Variants in CCDC27 observed in about 807,000 individuals in gnomAD.
The protein encoded by CCDC27 is coiled-coil domain-containing protein 27.
Under a neutral mutation model 80.3 loss-of-function variants are expected in CCDC27, and 80 were observed. The ratio of observed to expected loss-of-function variants is 1.00; its 90% confidence interval spans 0.83 to 1.20. The LOEUF (loss-of-function observed/expected upper bound fraction) is 1.20. Among genes scored for constraint, CCDC27 ranks in the 50% most tolerant of loss-of-function variants. The probability of loss-of-function intolerance (pLI) is 0.00; values close to 1 mark genes in which losing one functional copy is unlikely to be tolerated. For synonymous variants in CCDC27, 342 were observed against 334.3 expected, an observed-to-expected ratio of 1.02 and a Z score of -0.25; for missense variants, 815 against 809.4, an observed-to-expected ratio of 1.01 and a Z score of -0.08.
chr1:3,764,170 C>T (rs1244307930), intron 8 of CCDC27, among the ~76,000 whole-genome samples: 2 of 152,218 alleles, frequency 1.3e-5, no homozygotes, highest in Non-Finnish European at 2.9e-5. Flanking sequence ...AACGCCCTAT[C>T]CGTGCTTAGA....
At chr1:3,767,624 C>T (rs553503377) in intron 10 of CCDC27, among the ~76,000 whole-genome samples, 179 bp downstream of exon 10, 16 of 152,308 alleles carry the variant, frequency 1.1e-4, no homozygotes, top group South Asian at 6.2e-4. Flanking sequence ...GGGTAGAGGA[C>T]GGAGTGAGAG....
Position 3,769,962 on chromosome 1 carries a change from G to A in CCDC27, c.1848+75G>A, listed in dbSNP as rs555631668. On this transcript the variant is annotated intron_variant, in intron 11 of 11. Coordinates refer to ENST00000294600, the MANE Select transcript of CCDC27 (RefSeq NM_152492.3). This position sits in a 1 kb window ranked among gnomAD's most constrained non-coding sequence, Gnocchi z 4.6. ...CAGAGCTGTGGTAGGGGGTTGTGGG[G>A]GGCCTAGATTCCAGGGACTCTGTTC... 4.7e-6 allele frequency: 5 copies of A among 1,059,388 alleles called. No homozygotes were observed. Among genetic ancestry groups the A allele is most frequent in the South Asian group, 3.8e-5 (3 of 79,826 alleles). 65.6% of individuals were successfully genotyped at this position (1,059,388 alleles called of 1,614,324 possible).
rs760999663 is a variant in CCDC27 at position 3,766,678 on chromosome 1, C to A, written c.1530+66C>A. On this transcript the variant is annotated intron_variant, in intron 9 of 11. Transcript: ENST00000294600. The surrounding 1 kb of genome is among the most constrained non-coding windows in gnomAD (Gnocchi z 6.1). ...GTTCTTACTGTAAGTCCCAACACAG[C>A]AAAGGGCAAGACGGGGCTGGAGCGT... 2 of 1,366,528 alleles carry A rather than the reference C, an allele frequency of 1.5e-6. No individual in the cohort carries two copies. Among genetic ancestry groups the A allele is most frequent in the Non-Finnish European group, 2.1e-6 (2 of 963,438 alleles). The allele number at this position is 1,366,528 out of a possible 1,614,324, so 84.7% of individuals were successfully genotyped here.
chr1:3,767,931 G>A (rs767552606), intron 10 of CCDC27, among the ~76,000 whole-genome samples: 8 of 152,184 alleles, frequency 5.3e-5, no homozygotes, highest in Non-Finnish European at 1.2e-4. Flanking sequence ...AGGATGAACA[G>A]TCCCCCTGGA....
Position 3,760,845 on chromosome 1 carries a change from A to C in CCDC27, c.712-436A>C, listed in dbSNP as rs1643066199. Among the ~76,000 whole-genome samples the C allele has an allele frequency of 6.6e-6, 1 of 152,126 alleles. No individual in the cohort carries two copies. The highest frequency in any genetic ancestry group is 2.1e-4 in the South Asian group (1 of 4,826). On this transcript the variant is annotated intron_variant, in intron 4 of 11. Coordinates refer to ENST00000294600, the MANE Select transcript of CCDC27 (RefSeq NM_152492.3). The surrounding 1 kb of genome is among the most constrained non-coding windows in gnomAD (Gnocchi z 4.3). ...ATTTTGAAGAATTGAGGGAGTTGAG[A>C]TTCTGAGAACAAAAGTTTGAGGAGC...
Position 3,763,487 on chromosome 1 carries a change from C to CGG in CCDC27, c.1321+18_1321+19dup. On this transcript the variant is annotated intron_variant, in intron 7 of 11. Transcript: ENST00000294600. The surrounding 1 kb of genome is among the most constrained non-coding windows in gnomAD (Gnocchi z 7.5). ...TCCCTTGCAACAGGTAGGGCCTCGGCGGGGGGCACTGGGCTTTGGCCACTC... is the reference window on the plus strand; with the variant it reads ...TCCCTTGCAACAGGTAGGGCCTCGGCGGGGGGGGCACTGGGCTTTGGCCACTC... 1.3e-6 allele frequency: 2 copies of CGG among 1,577,996 alleles called. No homozygotes were observed. The highest frequency in any genetic ancestry group is 2.7e-5 in the African/African-American group (2 of 74,196).
chr1:3,752,683 G>A lies in CCDC27; in HGVS notation c.202G>A (p.Val68Met). The change falls in exon 1 of 12, where the codon GTG becomes ATG. Residue 68 changes from valine to methionine, a missense_variant. Val to Met is a conservative substitution (Grantham distance 21). Transcript: ENST00000294600. ...GTCCAGCTCGATGGCCAGGGCCCTGGTGCTCCTCCAGAGCATGGCCAGCCG... is the reference window on the plus strand; with the variant it reads ...GTCCAGCTCGATGGCCAGGGCCCTGATGCTCCTCCAGAGCATGGCCAGCCG... The part of the protein sequence containing the change: ...SMSSSMARAL[V>M]LLQSMASRDA... The A allele has an allele frequency of 6.2e-7, 1 of 1,614,058 alleles. No individual in the cohort carries two copies. Among genetic ancestry groups the A allele is most frequent in the Non-Finnish European group, 8.5e-7 (1 of 1,180,056 alleles).
At chr1:3,756,697 G>C in intron 3 of CCDC27, 36 bp from the exon 4 acceptor site, 1 of 1,610,930 alleles carries the variant, frequency 6.2e-7, no homozygotes. Flanking sequence ...GCAGGGAAGG[G>C]TCTCATTTCT....
Position 3,754,162 on chromosome 1 carries a change from A to C in CCDC27, c.363A>C (p.Lys121Asn). The C allele has an allele frequency of 6.2e-7, 1 of 1,613,490 alleles. No individual in the cohort carries two copies. Reference protein sequence around the residue: ...DAASLTGFMSKMELRRVFPTH... With the variant: ...DAASLTGFMSNMELRRVFPTH... The stretch of plus-strand genomic sequence containing the variant: ...CCAGCCTCACCGGCTTCATGTCCAA[A>C]ATGGAACTTCGAAGGGTCTTCCCCA... Residue 121 changes from lysine to asparagine, a missense_variant, in exon 2 of 12, where the codon AAA (lysine) becomes AAC (asparagine). Lys to Asn is a moderately conservative substitution (Grantham distance 94). Coordinates refer to ENST00000294600, the MANE Select transcript of CCDC27 (RefSeq NM_152492.3).
rs1643070119 is a variant in CCDC27, at chr1:3,760,972, A to G, written c.712-309A>G. Reference sequence around the variant, plus strand: ...GTGGTATAGTGGGGTGCAGGGACACACCACGGGCCAGGTCCGAAAGGGAAG... The same window carrying G: ...GTGGTATAGTGGGGTGCAGGGACACGCCACGGGCCAGGTCCGAAAGGGAAG... On this transcript the variant is annotated intron_variant, in intron 4 of 11. Transcript: ENST00000294600. The surrounding 1 kb of genome is among the most constrained non-coding windows in gnomAD (Gnocchi z 4.3). 6.6e-6 allele frequency among the ~76,000 whole-genome samples: 1 copy of G among 152,134 alleles called. No individual in the cohort carries two copies. Among genetic ancestry groups the G allele is most frequent in the Non-Finnish European group, 1.5e-5 (1 of 68,024 alleles).
At chr1:3,756,525 G>A in intron 3 of CCDC27, 1 of 512,874 alleles carries the variant, frequency 1.9e-6, no homozygotes, top group Non-Finnish European at 3.5e-6. Context: ...CGCTGTGCTG[G>A]GTGTGGGCGC....
In CCDC27 at chr1:3,766,517, C is replaced by T. The variant is rs377322714; in HGVS notation, c.1453-18C>T. On this transcript the variant is annotated intron_variant, in intron 8 of 11. Coordinates refer to ENST00000294600, the MANE Select transcript of CCDC27 (RefSeq NM_152492.3). The surrounding 1 kb of genome is among the most constrained non-coding windows in gnomAD (Gnocchi z 6.1). Reference sequence around the variant, plus strand: ...AAACCTGGGAGTCCCCCAAGCCAACCCTTCTGTCTCCTTCCAGTTCTCCAA... The same window carrying T: ...AAACCTGGGAGTCCCCCAAGCCAACTCTTCTGTCTCCTTCCAGTTCTCCAA... 8.1e-6 allele frequency: 13 copies of T among 1,598,772 alleles called. No individual in the cohort carries two copies. The highest frequency in any genetic ancestry group is 1.0e-5 in the Non-Finnish European group (12 of 1,169,522).
chr1:3,763,171 G>T lies in CCDC27; in HGVS notation c.1018G>T (p.Asp340Tyr). 6.6e-7 allele frequency: 1 copy of T among 1,505,438 alleles called. No homozygotes were observed. Among genetic ancestry groups the T allele is most frequent in the South Asian group, 1.3e-5 (1 of 74,696 alleles). 93.3% of individuals were successfully genotyped at this position (1,505,438 alleles called of 1,614,324 possible). Residue 340 changes from aspartate (D) to tyrosine (Y), a missense_variant, in exon 7 of 12, where the codon GAC (aspartate) becomes TAC (tyrosine). Transcript: ENST00000294600. The surrounding 1 kb of genome is among the most constrained non-coding windows in gnomAD (Gnocchi z 7.5). ...KEPDLGGGEE[D>Y]EGLEGEPDGV... ...GCCCGACCTGGGAGGTGGCGAGGAG[G>T]ACGAGGGCCTGGAAGGGGAGCCCGA...
chr1:3,769,459 C>T lies in CCDC27; in HGVS notation c.1744-324C>T, dbSNP rs1020981853. Among the ~76,000 whole-genome samples, 5 of 152,144 alleles carry T rather than the reference C, an allele frequency of 3.3e-5. No individual in the cohort carries two copies. Among genetic ancestry groups the T allele is most frequent in the African/African-American group, 1.2e-4 (5 of 41,422 alleles). On this transcript the variant is annotated intron_variant, in intron 10 of 11. Coordinates refer to ENST00000294600, the MANE Select transcript of CCDC27 (RefSeq NM_152492.3). This position sits in a 1 kb window ranked among gnomAD's most constrained non-coding sequence, Gnocchi z 4.6. ...CCAGGGGTTACGTGCGGCTTCTGTA[C>T]TATTTTGGTTTGTTGGTTTAAAAAT...
At position 3,767,244 on chromosome 1, in the gene CCDC27, A is replaced by G; in HGVS notation, c.1542A>G (p.Glu514=). 1 of 1,614,002 alleles carries G rather than the reference A, an allele frequency of 6.2e-7. No individual in the cohort carries two copies. The highest frequency in any genetic ancestry group is 8.5e-7 in the Non-Finnish European group (1 of 1,179,994). Reference sequence around the variant, plus strand: ...CCGGCTGTCCCCAGCAAGTGTCGGAACTGGAGAGAAAGCTCACCAAGCGGG... The same window carrying G: ...CCGGCTGTCCCCAGCAAGTGTCGGAGCTGGAGAGAAAGCTCACCAAGCGGG... The part of the protein sequence containing the change: ...DNQLLRQQVS[E]LERKLTKRDC... The change falls in exon 10 of 12, where the codon GAA becomes GAG. Residue 514 remains glutamate, a synonymous_variant. Transcript: ENST00000294600.
intron 4 of CCDC27, among the ~76,000 whole-genome samples, chr1:3,757,636 TC>T (rs1642988677): frequency 6.6e-6 from 1 of 152,046 alleles, no homozygotes; most frequent in South Asian, 2.1e-4. Flanking sequence ...AAATGGGGTT[TC>T]CCCGGCCAGG....
chr1:3,756,653 T>C, intron 3 of CCDC27, 80 bp from the exon 4 acceptor site: 1 of 1,496,036 alleles, frequency 6.7e-7, no homozygotes, highest in Admixed American at 1.7e-5. Flanking sequence ...CTCGGAAGGG[T>C]GGATGTCGTC....
chr1:3,763,264 G>A lies in CCDC27; in HGVS notation c.1111G>A (p.Glu371Lys), dbSNP rs759366982. Residue 371 changes from glutamate to lysine, a missense_variant, in exon 7 of 12, where the codon GAG becomes AAG. Transcript: ENST00000294600. The surrounding 1 kb of genome is among the most constrained non-coding windows in gnomAD (Gnocchi z 7.5). Reference protein sequence around the residue: ...QMGSVHEEGSEEEEEEEGDRD... With the variant: ...QMGSVHEEGSKEEEEEEGDRD... ...GGGATCCGTGCATGAGGAGGGAAGC[G>A]AGGAGGAGGAAGAGGAGGAAGGGGA... 1.2e-5 allele frequency: 19 copies of A among 1,581,586 alleles called. 1 individual carries two copies. Among genetic ancestry groups the A allele is most frequent in the Admixed American group, 5.6e-5 (3 of 53,962 alleles).
Position 3,769,937 on chromosome 1 carries a change from CA to C in CCDC27, c.1848+51del. 7.3e-7 allele frequency: 1 copy of C among 1,361,138 alleles called. No individual in the cohort carries two copies. Among genetic ancestry groups the C allele is most frequent in the Non-Finnish European group, 1.1e-6 (1 of 949,482 alleles). 84.3% of individuals were successfully genotyped at this position (1,361,138 alleles called of 1,614,324 possible). On this transcript the variant is annotated intron_variant, in intron 11 of 11. Transcript: ENST00000294600. This position sits in a 1 kb window ranked among gnomAD's most constrained non-coding sequence, Gnocchi z 4.6. Reference sequence around the variant, plus strand: ...CTATCCGGGCCCCAGACCCCCAGGCCAGAGCTGTGGTAGGGGGTTGTGGGGG... The same window carrying C: ...CTATCCGGGCCCCAGACCCCCAGGCCGAGCTGTGGTAGGGGGTTGTGGGGG...
Sources: allele counts gnomAD v4.1 joint callset (sites outside exome capture counted in the v4.1 genomes callset), GRCh38; gene constraint gnomAD v4.1.1; non-coding constraint Gnocchi (gnomAD v3.1); transcripts MANE v1.5; gene names NCBI Gene and HGNC (gene_info 2026-07-23, HGNC 2026-07-21).